Variants in INPP5F observed in about 807,000 individuals in gnomAD.
INPP5F encodes inositol polyphosphate-5-phosphatase F.
A neutral mutation model predicts 137.2 loss-of-function variants in INPP5F; 97 were observed. That is an observed-to-expected ratio of 0.71 (90% confidence interval 0.60 to 0.84). INPP5F has a LOEUF of 0.84. Ranked by LOEUF, INPP5F falls within the 40% of genes least tolerant of loss-of-function variation. The pLI, the probability that INPP5F is intolerant of heterozygous loss-of-function variation, is 0.00. For synonymous variants in INPP5F, 504 were observed against 476.9 expected (o/e 1.06, Z -0.74); for missense variants, 1,271 against 1,371.9 (o/e 0.93, Z 1.16).
chr10:119,807,224 G>T (rs780222867), intron 12 of INPP5F, among the ~76,000 whole-genome samples: 14 of 152,244 alleles, frequency 9.2e-5, no homozygotes, highest in Admixed American at 2.6e-4. Flanking sequence ...AGTGAGCCCA[G>T]ATCGTGCCAC....
intron 6 of INPP5F, among the ~76,000 whole-genome samples, chr10:119,794,445 C>T (rs566663774): frequency 1.1e-4 from 16 of 152,140 alleles, no homozygotes; most frequent in Admixed American, 7.8e-4. Context: ...GGCAACCATC[C>T]GATTTCTCAA....
At chr10:119,765,001 C>CAGCT (rs1325684487) in intron 2 of INPP5F, among the ~76,000 whole-genome samples, 9 of 152,148 alleles carry the variant, frequency 5.9e-5, no homozygotes, top group African/African-American at 2.2e-4. Flanking sequence ...GGCACGATCT[C>CAGCT]AGCTCACTGC....
chr10:119,821,864 C>CTTTTTTT (rs11347174), intron 16 of INPP5F, among the ~76,000 whole-genome samples: 9 of 88,154 alleles, frequency 1.0e-4, no homozygotes, highest in Admixed American at 1.2e-4. Context: ...CTTGTAGTTG[C>CTTTTTTT]TTTTTTTTTT....
chr10:119,821,060 A>G (rs1427976163), intron 16 of INPP5F, 143 bp downstream of exon 16: 4 of 612,490 alleles, frequency 6.5e-6, no homozygotes, highest in Non-Finnish European at 1.2e-5. Context: ...TTTACCTTAT[A>G]TAACTGTTAC....
intron 12 of INPP5F, among the ~76,000 whole-genome samples, chr10:119,807,149 T>A (rs1457779171): frequency 6.6e-6 from 1 of 152,178 alleles, no homozygotes; most frequent in Non-Finnish European, 1.5e-5. Flanking sequence ...GGCCGTCATC[T>A]GTAATCCCCG....
intron 2 of INPP5F, among the ~76,000 whole-genome samples, chr10:119,758,823 T>G (rs1848922831): frequency 6.6e-6 from 1 of 152,212 alleles, no homozygotes; most frequent in Non-Finnish European, 1.5e-5. Context: ...GTTCCTCCAC[T>G]TTTGTAGTGG....
chr10:119,744,418 A>G (rs1250153331), intron 1 of INPP5F, among the ~76,000 whole-genome samples: 1 of 152,134 alleles, frequency 6.6e-6, no homozygotes, highest in Non-Finnish European at 1.5e-5. Flanking sequence ...TTCTGTGTTT[A>G]GCCTTTCATC....
In INPP5F at chr10:119,797,639, A is replaced by G; in HGVS notation, c.1047A>G (p.Arg349=). Residue 349 remains arginine, a splice_region_variant and synonymous_variant, in exon 8 of 20, where the codon AGA becomes AGG. Transcript: ENST00000650623. ...YRYNPRPRLD[R]SEKETVAYFC... ...ATAACCCAAGACCGCGGCTGGACAG[A>G]AGTAAGCAGGTCAATTATTGGGTTT... 1.9e-6 allele frequency: 3 copies of G among 1,598,840 alleles called. No individual in the cohort carries two copies. The highest frequency in any genetic ancestry group is 2.6e-6 in the Non-Finnish European group (3 of 1,173,308).
rs1018873018 is a variant in INPP5F at position 119,726,201 on chromosome 10, C to G, written c.-62C>G. The G allele has an allele frequency of 4.5e-6, 5 of 1,109,824 alleles. No individual in the cohort carries two copies. Among genetic ancestry groups the G allele is most frequent in the Non-Finnish European group, 5.9e-6 (5 of 847,024 alleles). 68.7% of individuals were successfully genotyped at this position (1,109,824 alleles called of 1,614,324 possible). On this transcript the variant is annotated 5_prime_UTR_variant, in exon 1 of 20. Transcript: ENST00000650623. ...GAGGCGCGGGCTCTGGCGGCCTCGA[C>G]CGACTAGGACGCCCCGTGCGCCGCC...
At chr10:119,810,819 G>C (rs1304842168) in intron 14 of INPP5F, among the ~76,000 whole-genome samples, 2 of 152,174 alleles carry the variant, frequency 1.3e-5, no homozygotes, top group African/African-American at 4.8e-5. Context: ...AGTAAATGCA[G>C]AGTGTTCTGG....
chr10:119,760,255 A>G (rs1848972090), intron 2 of INPP5F, among the ~76,000 whole-genome samples: 3 of 152,160 alleles, frequency 2.0e-5, no homozygotes. Context: ...CAGCCATATT[A>G]AAGGTTTGTT....
intron 3 of INPP5F, among the ~76,000 whole-genome samples, chr10:119,785,874 A>T (rs1221938291): frequency 1.3e-5 from 2 of 152,164 alleles, no homozygotes; most frequent in Non-Finnish European, 2.9e-5. Context: ...AAGAAAAATT[A>T]AAAACCTGTA....
At chr10:119,726,422 C>A in intron 1 of INPP5F, 63 bp downstream of exon 1, 1 of 1,002,578 alleles carries the variant, frequency 1.0e-6, no homozygotes, top group Non-Finnish European at 1.3e-6. Flanking sequence ...GGGGGCGCGG[C>A]CGGACCCCTC....
intron 2 of INPP5F, among the ~76,000 whole-genome samples, chr10:119,761,255 C>T (rs554286676): frequency 6.6e-6 from 1 of 152,268 alleles, no homozygotes; most frequent in South Asian, 2.1e-4. Flanking sequence ...AGATGCTCTC[C>T]CTATGAGTCA....
intron 2 of INPP5F, among the ~76,000 whole-genome samples, chr10:119,764,343 GCACACACACA>G (rs71019713): frequency 1.1e-4 from 17 of 150,856 alleles, no homozygotes; most frequent in African/African-American, 3.4e-4. Flanking sequence ...ACAGGCGTGT[GCACACACACA>G]CACACACAAA....
chr10:119,747,830 A>G (rs1290265251), intron 1 of INPP5F, among the ~76,000 whole-genome samples: 1 of 152,236 alleles, frequency 6.6e-6, no homozygotes, highest in Non-Finnish European at 1.5e-5. Context: ...CCATGAAGTT[A>G]TAATCTTGAA....
chr10:119,785,989 T>C (rs1437975375), intron 3 of INPP5F, among the ~76,000 whole-genome samples: 1 of 152,276 alleles, frequency 6.6e-6, no homozygotes, highest in African/African-American at 2.4e-5. Context: ...GTTCCATGTC[T>C]GCATATCTTA....
chr10:119,791,737 C>A, intron 4 of INPP5F, 92 bp downstream of exon 4: 1 of 1,377,026 alleles, frequency 7.3e-7, no homozygotes. Flanking sequence ...ATTTTTAAAC[C>A]ATTTGTTGTA....
At chr10:119,789,357 C>A (rs1216104737) in intron 3 of INPP5F, among the ~76,000 whole-genome samples, 3 of 152,064 alleles carry the variant, frequency 2.0e-5, no homozygotes, top group Non-Finnish European at 2.9e-5. Context: ...TATGACTAAT[C>A]ACTGATATTT....
Sources: gnomAD v4.1 joint callset for allele counts (sites outside exome capture counted in the v4.1 genomes callset) on GRCh38, gnomAD v4.1.1 for gene constraint, MANE v1.5 for transcripts, NCBI Gene and HGNC (gene_info 2026-07-23, HGNC 2026-07-21) for gene names.